The following LRFN2 variants were observed in gnomAD, a reference collection of about 807,000 sequenced individuals.
LRFN2 encodes the protein leucine-rich repeat and fibronectin type-III domain-containing protein 2.
A neutral mutation model predicts 37.3 loss-of-function variants in LRFN2; 18 were observed. The observed-to-expected ratio is 0.48, with a 90% confidence interval of 0.33 to 0.72. LRFN2 has a LOEUF of 0.72. LRFN2 is among the 30% of genes least tolerant of loss of function. The pLI is 0.02. For missense variants in LRFN2, 1,006 were observed against 1,060.7 expected, an observed-to-expected ratio of 0.95 and a Z score of 0.72; for synonymous variants, 556 against 466.6, an observed-to-expected ratio of 1.19 and a Z score of -2.47.
At chr6:40,554,959 T>C (rs1039277149) in intron 1 of LRFN2, among the ~76,000 whole-genome samples, 5 of 152,228 alleles carry the variant, frequency 3.3e-5, no homozygotes, top group Admixed American at 3.3e-4. Flanking sequence ...GTATAATTAG[T>C]TATAATTATT....
At chr6:40,447,464 A>G (rs1195409769) in intron 1 of LRFN2, among the ~76,000 whole-genome samples, 1 of 152,294 alleles carries the variant, frequency 6.6e-6, no homozygotes, top group African/African-American at 2.4e-5. Context: ...GTCTTCTTCC[A>G]CCTGAACTAA....
intron 1 of LRFN2, among the ~76,000 whole-genome samples, chr6:40,526,607 G>C (rs962935651): frequency 6.6e-6 from 1 of 152,146 alleles, no homozygotes; most frequent in Non-Finnish European, 1.5e-5. Flanking sequence ...TCTGTCCACT[G>C]TGAGGGCTAG....
At chr6:40,524,293 C>T (rs1427799858) in intron 1 of LRFN2, among the ~76,000 whole-genome samples, 1 of 152,116 alleles carries the variant, frequency 6.6e-6, no homozygotes, top group South Asian at 2.1e-4. Flanking sequence ...ACAGGTGTCC[C>T]ATAACCAGGA....
At chr6:40,430,846 G>A (rs978524952) in intron 2 of LRFN2, among the ~76,000 whole-genome samples, 12 of 152,136 alleles carry the variant, frequency 7.9e-5, no homozygotes, top group Admixed American at 1.3e-4. Context: ...CTCAGTCAGC[G>A]CTCAATTGGG....
At chr6:40,405,331 C>T (rs533177285) in intron 2 of LRFN2, among the ~76,000 whole-genome samples, 1 of 152,286 alleles carries the variant, frequency 6.6e-6, no homozygotes, top group East Asian at 1.9e-4. Flanking sequence ...TTTGCACATA[C>T]CAGCTGTAAT....
intron 1 of LRFN2, among the ~76,000 whole-genome samples, chr6:40,511,341 C>G (rs1305129071): frequency 6.6e-6 from 1 of 152,046 alleles, no homozygotes; most frequent in Non-Finnish European, 1.5e-5. Context: ...TTTTGTATCC[C>G]TAAGAAAGAA....
chr6:40,510,380 C>T (rs979771802), intron 1 of LRFN2, among the ~76,000 whole-genome samples: 1 of 152,214 alleles, frequency 6.6e-6, no homozygotes, highest in Non-Finnish European at 1.5e-5. Flanking sequence ...AGATTCCCAA[C>T]TGATGCCTCC....
At chr6:40,526,643 A>G (rs1331029040) in intron 1 of LRFN2, among the ~76,000 whole-genome samples, 1 of 152,160 alleles carries the variant, frequency 6.6e-6, no homozygotes, top group African/African-American at 2.4e-5. Context: ...AGAGCTCAGC[A>G]ATGTGCCCAG....
At chr6:40,441,257 A>G (rs1325057328) in intron 1 of LRFN2, among the ~76,000 whole-genome samples, 2 of 152,138 alleles carry the variant, frequency 1.3e-5, no homozygotes, top group Non-Finnish European at 2.9e-5. Context: ...CTGCGCATGA[A>G]TGGAGGGAGG....
chr6:40,571,734 C>A (rs1217809777), intron 1 of LRFN2, among the ~76,000 whole-genome samples: 1 of 152,208 alleles, frequency 6.6e-6, no homozygotes, highest in African/African-American at 2.4e-5. Flanking sequence ...GCAGGTGGAT[C>A]CCCAAATCAT....
intron 2 of LRFN2, among the ~76,000 whole-genome samples, chr6:40,395,365 T>C (rs1762593688): frequency 6.6e-6 from 1 of 152,220 alleles, no homozygotes; most frequent in South Asian, 2.1e-4. Flanking sequence ...TTTTTCCTCA[T>C]TTCAGTGAAA....
At chr6:40,400,717 G>T (rs936744249) in intron 2 of LRFN2, among the ~76,000 whole-genome samples, 1 of 151,708 alleles carries the variant, frequency 6.6e-6, no homozygotes, top group Non-Finnish European at 1.5e-5. Context: ...CAACACACCC[G>T]GCCTGGAGAG....
chr6:40,577,752 AC>A (rs1767320022), intron 1 of LRFN2, among the ~76,000 whole-genome samples: 1 of 149,120 alleles, frequency 6.7e-6, no homozygotes, highest in African/African-American at 2.5e-5. Context: ...GTGCACATGT[AC>A]CCTAAAACTT....
chr6:40,450,974 T>C (rs1764088942), intron 1 of LRFN2, among the ~76,000 whole-genome samples: 2 of 152,210 alleles, frequency 1.3e-5, no homozygotes, highest in African/African-American at 4.8e-5. Flanking sequence ...ATGTGGGCTA[T>C]AGGTGCCACT....
intron 1 of LRFN2, among the ~76,000 whole-genome samples, chr6:40,557,205 C>T (rs533674622): frequency 6.6e-5 from 10 of 152,292 alleles, no homozygotes; most frequent in African/African-American, 2.4e-4. Context: ...ATGAGTCCAG[C>T]ACATGGCCCA....
intron 1 of LRFN2, among the ~76,000 whole-genome samples, chr6:40,499,238 C>A (rs1243465025): frequency 6.6e-6 from 1 of 152,160 alleles, no homozygotes; most frequent in Non-Finnish European, 1.5e-5. Flanking sequence ...GGACTGCCTG[C>A]ATCCTGGAGC....
chr6:40,547,518 G>C (rs1766688957), intron 1 of LRFN2, among the ~76,000 whole-genome samples: 2 of 152,028 alleles, frequency 1.3e-5, no homozygotes, highest in African/African-American at 4.8e-5. Flanking sequence ...CCTATACTGG[G>C]CATCTTCCAT....
chr6:40,399,727 G>A (rs906849894), intron 2 of LRFN2, among the ~76,000 whole-genome samples: 4 of 151,818 alleles, frequency 2.6e-5, no homozygotes, highest in African/African-American at 4.8e-5. Context: ...CGTGAGCCAC[G>A]GCTCCTGGCC....
Position 40,404,789 on chromosome 6 carries a change from C to G in LRFN2, c.1401-11877G>C, listed in dbSNP as rs540900956. On this transcript the variant is annotated intron_variant, in intron 2 of 2. Coordinates refer to ENST00000338305, the MANE Select transcript of LRFN2 (RefSeq NM_020737.3). ...ATGAATTTGTCTTGGAGGCTTTGAT[C>G]TAGACCTCTGAGCAGTTCCCCATTC... Among the ~76,000 whole-genome samples the G allele has an allele frequency of 1.2e-4, 18 of 152,356 alleles. No individual in the cohort carries two copies. The South Asian group carries it at 3.7e-3, about 32-fold the overall frequency.
Sources: gnomAD v4.1 joint callset for allele counts (sites outside exome capture counted in the v4.1 genomes callset) on GRCh38, gnomAD v4.1.1 for gene constraint, MANE v1.5 for transcripts, NCBI Gene and HGNC (gene_info 2026-07-23, HGNC 2026-07-21) for gene names.